The following ACVR1 variants were observed in gnomAD, a reference collection of about 807,000 sequenced individuals.
ACVR1 encodes activin receptor type-1.
In ACVR1, 38 loss-of-function variants were observed where a neutral mutation model predicts 57.1. The observed-to-expected ratio is 0.67, with a 90% CI of 0.51 to 0.87. The LOEUF (loss-of-function observed/expected upper bound fraction) is 0.87. ACVR1 is among the 40% of genes least tolerant of loss of function. The pLI, the probability that ACVR1 is intolerant of heterozygous loss-of-function variation, is 0.00. For synonymous variants in ACVR1, 212 were observed against 228.1 expected (o/e 0.93, Z 0.63); for missense variants, 463 against 638.2 (o/e 0.73, Z 2.96).
chr2:157,762,206 A>C (rs1685685620), intron 8 of ACVR1, among the ~76,000 whole-genome samples: 1 of 152,210 alleles, frequency 6.6e-6, no homozygotes, highest in African/African-American at 2.4e-5. Context: ...ACCCGCAGTC[A>C]ACTACAGTCC....
chr2:157,807,496 T>G (rs1687591673), intron 2 of ACVR1, among the ~76,000 whole-genome samples: 1 of 152,110 alleles, frequency 6.6e-6, no homozygotes, highest in Non-Finnish European at 1.5e-5. Flanking sequence ...CCCTGCTATT[T>G]TGCTACATTC....
intron 1 of ACVR1, among the ~76,000 whole-genome samples, chr2:157,824,222 C>A (rs1358585601): frequency 6.6e-6 from 1 of 152,194 alleles, no homozygotes; most frequent in East Asian, 1.9e-4. Flanking sequence ...AATCCCTGCA[C>A]ACTGGAAGGC....
intron 9 of ACVR1, among the ~76,000 whole-genome samples, chr2:157,758,011 T>TC (rs938921385): frequency 6.6e-6 from 1 of 150,618 alleles, no homozygotes; most frequent in Non-Finnish European, 1.5e-5. Context: ...ACAGATTAAA[T>TC]CCCCCCAATT....
intron 3 of ACVR1, among the ~76,000 whole-genome samples, chr2:157,795,683 A>AT (rs1687084548): frequency 6.6e-6 from 1 of 151,634 alleles, no homozygotes; most frequent in Admixed American, 6.6e-5. Flanking sequence ...CATGTTTTAC[A>AT]TGTCTTCACT....
chr2:157,776,569 G>A (rs1047530024), intron 5 of ACVR1, among the ~76,000 whole-genome samples: 1 of 152,198 alleles, frequency 6.6e-6, no homozygotes, highest in African/African-American at 2.4e-5. Context: ...TAGGTAAATG[G>A]AAGCTACAGA....
rs1034977935 is a variant in ACVR1 at position 157,826,924 on chromosome 2, G to C, written c.-182-8365C>G. Among the ~76,000 whole-genome samples, 33 of 128,108 alleles carry C rather than the reference G, an allele frequency of 2.6e-4. 1 individual carries two copies. Among genetic ancestry groups the C allele is most frequent in the African/African-American group, 9.1e-4 (32 of 35,132 alleles). 84.0% of individuals were successfully genotyped at this position (128,108 alleles called of 152,430 possible). A position where few individuals can be genotyped will look rare whatever the true frequency, so the allele number is the denominator to read the frequency against. On this transcript the variant is annotated intron_variant, in intron 1 of 10. Coordinates refer to ENST00000434821, the MANE Select transcript of ACVR1 (RefSeq NM_001111067.4). ...TAGGAAAAGAAAGGAAGGAAGGAAG[G>C]GAAAGAAAGAAAGAGAGAAACAGAG...
chr2:157,823,801 C>T (rs1688237128), intron 1 of ACVR1, among the ~76,000 whole-genome samples: 1 of 152,136 alleles, frequency 6.6e-6, no homozygotes, highest in African/African-American at 2.4e-5. Flanking sequence ...TTTCATCTGT[C>T]CAGCCAAAGA....
intron 3 of ACVR1, among the ~76,000 whole-genome samples, chr2:157,787,685 A>G (rs1400611483): frequency 1.3e-5 from 2 of 152,154 alleles, no homozygotes; most frequent in Admixed American, 1.3e-4. Context: ...CTGAGGAATC[A>G]CTTTTCGTTG....
At chr2:157,759,478 G>A (rs1685558414) in intron 9 of ACVR1, among the ~76,000 whole-genome samples, 1 of 152,006 alleles carries the variant, frequency 6.6e-6, no homozygotes, top group African/African-American at 2.4e-5. Context: ...TTCCCACAAA[G>A]AAAACCTCAG....
At chr2:157,855,302 G>GTA (rs1354388753) in intron 1 of ACVR1, among the ~76,000 whole-genome samples, 12 of 65,374 alleles carry the variant, frequency 1.8e-4, no homozygotes, top group African/African-American at 9.1e-4. Flanking sequence ...GTGTGTGTGT[G>GTA]TGTGTGTATA....
At chr2:157,794,374 A>G (rs1395256794) in intron 3 of ACVR1, among the ~76,000 whole-genome samples, 3 of 152,156 alleles carry the variant, frequency 2.0e-5, no homozygotes, top group African/African-American at 7.2e-5. Flanking sequence ...GAGACAAGAA[A>G]AGTAAGAAAC....
chr2:157,780,374 C>T lies in ACVR1; in HGVS notation c.294G>A (p.Trp98Ter), dbSNP rs769135409. 1.9e-6 allele frequency: 3 copies of T among 1,614,192 alleles called. No individual in the cohort carries two copies. Among genetic ancestry groups the T allele is most frequent in the Admixed American group, 1.7e-5 (1 of 60,028 alleles). ...GQAVECCQGD[W>*]CNRNITAQLP... is the part of the protein sequence containing the mutation. Reference sequence around the variant, plus strand: ...GCTGGGCCGTGATGTTCCTGTTACACCAGTCCCCTTGGCAGCACTCCACGG... The same window carrying T: ...GCTGGGCCGTGATGTTCCTGTTACATCAGTCCCCTTGGCAGCACTCCACGG... The change falls in exon 4 of 11, where the codon TGG (tryptophan) becomes TGA (stop). Residue 98 changes from tryptophan (W) to a stop codon, truncating the protein, a stop_gained. Coordinates refer to ENST00000434821, the MANE Select transcript of ACVR1 (RefSeq NM_001111067.4). LOFTEE classifies it high-confidence loss of function.
intron 1 of ACVR1, among the ~76,000 whole-genome samples, chr2:157,824,899 G>A (rs536297390): frequency 1.1e-3 from 161 of 152,182 alleles, no homozygotes; most frequent in African/African-American, 3.3e-3. Flanking sequence ...GATTACAGGC[G>A]TATGCCACCA....
chr2:157,778,168 C>A lies in ACVR1; in HGVS notation c.506G>T (p.Gly169Val). Residue 169 changes from glycine to valine, a missense_variant, in exon 5 of 11, where the codon GGG becomes GTG. Gly to Val is a moderately radical substitution (Grantham distance 109, BLOSUM62 -3). Around this residue, in one of 3 missense-constraint regions of ACVR1, gnomAD observed 203 missense variants for 235.5 expected, o/e 0.86. Transcript: ENST00000434821. The part of the protein sequence containing the change: ...PRDVEYGTIE[G>V]LITTNVGDST... ...GTCTCCAACATTGGTGGTGATGAGCCCTTCGATAGTGCCATACTCCACGTC... is the reference window on the plus strand; with the variant it reads ...GTCTCCAACATTGGTGGTGATGAGCACTTCGATAGTGCCATACTCCACGTC... The A allele has an allele frequency of 6.2e-7, 1 of 1,613,634 alleles. No individual in the cohort carries two copies. Among genetic ancestry groups the A allele is most frequent in the Admixed American group, 1.7e-5 (1 of 59,962 alleles).
chr2:157,750,695 A>C (rs980861792), intron 9 of ACVR1, among the ~76,000 whole-genome samples: 2 of 152,214 alleles, frequency 1.3e-5, no homozygotes, highest in East Asian at 3.8e-4. Flanking sequence ...GAAAAAAACA[A>C]GGAAACATGA....
At chr2:157,834,947 C>T (rs1013075727) in intron 1 of ACVR1, among the ~76,000 whole-genome samples, 4 of 152,152 alleles carry the variant, frequency 2.6e-5, no homozygotes, top group African/African-American at 7.2e-5. Context: ...AAGAAGCCCT[C>T]GCCAGACACT....
intron 2 of ACVR1, among the ~76,000 whole-genome samples, chr2:157,817,497 A>C (rs1348942960): frequency 1.3e-5 from 2 of 152,158 alleles, no homozygotes; most frequent in South Asian, 2.1e-4. Context: ...AGAATGTACA[A>C]CACCAAGACT....
intron 5 of ACVR1, among the ~76,000 whole-genome samples, chr2:157,777,488 A>G (rs780644362): frequency 1.3e-5 from 2 of 152,212 alleles, no homozygotes; most frequent in African/African-American, 4.8e-5. Flanking sequence ...ATTTGGTTGA[A>G]TATCTGTTAA....
Position 157,836,355 on chromosome 2 carries a change from C to T in ACVR1, c.-182-17796G>A, listed in dbSNP as rs540694372. 1.2e-4 allele frequency among the ~76,000 whole-genome samples: 18 copies of T among 152,292 alleles called. No individual in the cohort carries two copies. The East Asian group carries it at 3.5e-3, about 29-fold the overall frequency. The stretch of plus-strand genomic sequence containing the variant: ...TGTGGCCACTGGCCACTTGGTGTGG[C>T]CTGAGAGTGAGAAGTCCGCAGCCAG... On this transcript the variant is annotated intron_variant, in intron 1 of 10. Transcript: ENST00000434821.
Sources: allele counts gnomAD v4.1 joint callset (sites outside exome capture counted in the v4.1 genomes callset), GRCh38; gene constraint gnomAD v4.1.1; regional missense constraint gnomAD v4.1.1; transcripts MANE v1.5; gene names NCBI Gene and HGNC (gene_info 2026-07-23, HGNC 2026-07-21).